The following GRM7 variants were observed in gnomAD, a reference collection of about 807,000 sequenced individuals.
The protein encoded by GRM7 is metabotropic glutamate receptor 7.
GRM7 carries 35 observed loss-of-function variants against 84.5 expected under a neutral mutation model. The observed-to-expected ratio is 0.41, with a 90% CI of 0.32 to 0.55. The LOEUF (loss-of-function observed/expected upper bound fraction) is 0.55, where lower values mean the gene tolerates loss of function less well. Among genes scored for constraint, GRM7 ranks in the 20% least tolerant of loss-of-function variants. The probability of loss-of-function intolerance (pLI) is 0.19; values close to 1 mark genes in which losing one functional copy is unlikely to be tolerated. For synonymous variants in GRM7, 487 were observed against 455.1 expected (o/e 1.07, Z -0.89); for missense variants, 1,003 against 1,194.6 (o/e 0.84, Z 2.36).
chr3:7,425,621 C>T (rs750901298), intron 5 of GRM7, among the ~76,000 whole-genome samples: 4 of 152,118 alleles, frequency 2.6e-5, no homozygotes, highest in Non-Finnish European at 4.4e-5. Flanking sequence ...AGTGGTCCAA[C>T]ACACTGGCAG....
At chr3:7,334,755 C>T (rs749157413) in intron 4 of GRM7, among the ~76,000 whole-genome samples, 5 of 151,962 alleles carry the variant, frequency 3.3e-5, no homozygotes, top group Non-Finnish European at 5.9e-5. Context: ...AAACCAAAAG[C>T]GAGCAGAAGT....
chr3:7,454,910 C>A (rs1195199233), intron 6 of GRM7, among the ~76,000 whole-genome samples: 1 of 152,074 alleles, frequency 6.6e-6, no homozygotes, highest in African/African-American at 2.4e-5. Flanking sequence ...ACATGTAGCA[C>A]ACATATCTTA....
chr3:7,726,551 C>G (rs562283267), intron 9 of GRM7, among the ~76,000 whole-genome samples: 1 of 141,332 alleles, frequency 7.1e-6, no homozygotes, highest in Admixed American at 7.3e-5. Context: ...TGAGGACCAA[C>G]AATATGTAAT....
At chr3:7,067,952 C>A (rs1697726794) in intron 1 of GRM7, among the ~76,000 whole-genome samples, 1 of 151,912 alleles carries the variant, frequency 6.6e-6, no homozygotes, top group South Asian at 2.1e-4. Context: ...AAAGAACTCA[C>A]CTTGCATCCC....
At chr3:7,489,069 C>T (rs992527591) in intron 7 of GRM7, among the ~76,000 whole-genome samples, 5 of 152,064 alleles carry the variant, frequency 3.3e-5, no homozygotes, top group African/African-American at 1.2e-4. Context: ...TGGTTAAATT[C>T]ATTTAATAAC....
intron 1 of GRM7, among the ~76,000 whole-genome samples, chr3:6,915,023 C>T (rs111851128): frequency 0.026 from 3,968 of 152,268 alleles, 72 homozygotes; most frequent in Non-Finnish European, 0.036. Flanking sequence ...GCATTTGCTT[C>T]AAGACTTATT....
In GRM7 at chr3:7,364,152, A is replaced by G. The variant is rs115813850; in HGVS notation, c.1034-50871A>G. ...TGTTTGTTTTTTGTTTTATTCCTCT[A>G]TATAATTTTATCAAGTTGTGAGAAA... On this transcript the variant is annotated intron_variant, in intron 4 of 9. Coordinates refer to ENST00000357716, the MANE Select transcript of GRM7 (RefSeq NM_000844.4). Among the ~76,000 whole-genome samples, 927 of 152,048 alleles carry G rather than the reference A, an allele frequency of 6.1e-3. 6 individuals are homozygous for G. The highest frequency in any genetic ancestry group is 0.021 in the African/African-American group (873 of 41,528).
intron 1 of GRM7, among the ~76,000 whole-genome samples, chr3:6,890,484 T>G (rs1695888569): frequency 6.6e-6 from 1 of 152,232 alleles, no homozygotes; most frequent in Non-Finnish European, 1.5e-5. Context: ...TTCATTCCGT[T>G]ATGTAGCCAG....
At chr3:7,189,848 ATAGT>A (rs1431983144) in intron 2 of GRM7, among the ~76,000 whole-genome samples, 2 of 152,154 alleles carry the variant, frequency 1.3e-5, no homozygotes, top group East Asian at 3.9e-4. Flanking sequence ...AACATGAGGA[ATAGT>A]TATTCTTCCA....
At chr3:7,603,163 G>C (rs1696403211) in intron 8 of GRM7, among the ~76,000 whole-genome samples, 2 of 151,994 alleles carry the variant, frequency 1.3e-5, no homozygotes, top group African/African-American at 4.8e-5. Context: ...GATCAAACTT[G>C]CCTATTTTCA....
intron 1 of GRM7, among the ~76,000 whole-genome samples, chr3:7,070,218 A>G (rs904487387): frequency 6.6e-6 from 1 of 152,174 alleles, no homozygotes; most frequent in Non-Finnish European, 1.5e-5. Context: ...TCAGAATAAT[A>G]GTTTCCAAAG....
intron 1 of GRM7, among the ~76,000 whole-genome samples, chr3:7,130,596 T>A (rs1428603446): frequency 6.6e-6 from 1 of 150,394 alleles, no homozygotes; most frequent in East Asian, 2.0e-4. Flanking sequence ...TGGAGAGGAT[T>A]AGTAGCTCTA....
intron 8 of GRM7, among the ~76,000 whole-genome samples, chr3:7,632,714 T>C (rs970990965): frequency 1.3e-5 from 2 of 152,222 alleles, no homozygotes; most frequent in East Asian, 1.9e-4. Context: ...TCCATAACAA[T>C]AGCATAAACT....
intron 1 of GRM7, among the ~76,000 whole-genome samples, chr3:7,054,000 A>C (rs954354707): frequency 6.6e-6 from 1 of 151,030 alleles, no homozygotes; most frequent in African/African-American, 2.4e-5. Context: ...TAATTTTATC[A>C]ATATTTTGTA....
At chr3:7,611,409 CT>C (rs1239633566) in intron 8 of GRM7, among the ~76,000 whole-genome samples, 1 of 152,078 alleles carries the variant, frequency 6.6e-6, no homozygotes, top group Non-Finnish European at 1.5e-5. Flanking sequence ...CAAGAAATGG[CT>C]TTGTATCAAG....
intron 1 of GRM7, among the ~76,000 whole-genome samples, chr3:7,027,556 T>A (rs1381849858): frequency 6.6e-6 from 1 of 152,154 alleles, no homozygotes; most frequent in Non-Finnish European, 1.5e-5. Context: ...ACCTTTTTTG[T>A]TTTTCTTTTA....
At chr3:7,532,681 C>A (rs954861776) in intron 7 of GRM7, among the ~76,000 whole-genome samples, 40 of 149,876 alleles carry the variant, frequency 2.7e-4, no homozygotes, top group African/African-American at 9.8e-4. Context: ...TTTGTTTGCT[C>A]TTGTTTCTCT....
At chr3:7,337,749 T>C (rs1701476762) in intron 4 of GRM7, among the ~76,000 whole-genome samples, 1 of 151,468 alleles carries the variant, frequency 6.6e-6, no homozygotes, top group African/African-American at 2.4e-5. Context: ...AAAAAATAAA[T>C]TAAAAAAAGA....
intron 1 of GRM7, among the ~76,000 whole-genome samples, chr3:6,873,965 A>ACTTC (rs1695215995): frequency 1.3e-5 from 2 of 152,260 alleles, no homozygotes; most frequent in Non-Finnish European, 2.9e-5. Context: ...TAATCAGGCA[A>ACTTC]TGGGCAAAAT....
Sources: gnomAD v4.1 joint callset for allele counts (sites outside exome capture counted in the v4.1 genomes callset) on GRCh38, gnomAD v4.1.1 for gene constraint, MANE v1.5 for transcripts, NCBI Gene and HGNC (gene_info 2026-07-23, HGNC 2026-07-21) for gene names.